OR9Q1: variants seen among roughly 807,000 people sequenced by gnomAD.
OR9Q1 encodes the protein olfactory receptor 9Q1.
For missense variants in OR9Q1, 374 were observed against 378.8 expected, an observed-to-expected ratio of 0.99 and a Z score of 0.11; for synonymous variants, 153 against 148.6, an observed-to-expected ratio of 1.03 and a Z score of -0.22.
At chr11:58,163,232 A>G (rs759695017) in intron 2 of OR9Q1, among the ~76,000 whole-genome samples, 1 of 152,218 alleles carries the variant, frequency 6.6e-6, no homozygotes, top group African/African-American at 2.4e-5. Context: ...ATGATTGATT[A>G]CATATATGGC....
intron 2 of OR9Q1, among the ~76,000 whole-genome samples, chr11:58,115,817 A>G (rs2120119444): frequency 6.6e-6 from 1 of 152,308 alleles, no homozygotes; most frequent in South Asian, 2.1e-4. Flanking sequence ...CTTTAAAAAC[A>G]AATACTCAGG....
rs1057160382 is a variant in OR9Q1 at position 58,176,009 on chromosome 11, GA to G, written c.-14-3413del. 4.0e-5 allele frequency among the ~76,000 whole-genome samples: 6 copies of G among 149,740 alleles called. No homozygotes were observed. In the East Asian group the frequency reaches 9.7e-4, roughly 24 times the overall value. On this transcript the variant is annotated intron_variant, in intron 2 of 2. Transcript: ENST00000335397. ...CTCCATGTGTTCATTTGCATTTAAA[GA>G]AAAAAAAAGGGAAAGATTTTAATGA...
chr11:58,058,278 T>C (rs866488665), intron 2 of OR9Q1, among the ~76,000 whole-genome samples: 17 of 152,252 alleles, frequency 1.1e-4, no homozygotes, highest in Non-Finnish European at 2.4e-4. Flanking sequence ...ATCAGGAAGT[T>C]TGAAGGCAGA....
At chr11:58,106,093 C>A (rs973712144) in intron 2 of OR9Q1, among the ~76,000 whole-genome samples, 4 of 151,848 alleles carry the variant, frequency 2.6e-5, no homozygotes, top group East Asian at 1.9e-4. Flanking sequence ...ACATGTTCCA[C>A]CCCCTTGGAC....
chr11:58,136,515 A>G (rs1037047357), intron 2 of OR9Q1, among the ~76,000 whole-genome samples: 2 of 152,070 alleles, frequency 1.3e-5, no homozygotes, highest in Non-Finnish European at 2.9e-5. Flanking sequence ...CTGCCTGGAG[A>G]TTTTGAGGAG....
In OR9Q1 at chr11:58,074,694, G is replaced by C. The variant is rs534220190; in HGVS notation, c.-15+18747G>C. On this transcript the variant is annotated intron_variant, in intron 2 of 2. Coordinates refer to ENST00000335397, the MANE Select transcript of OR9Q1 (RefSeq NM_001005212.4). ...AAGTCTTTGCCCATGCCTATGTCCT[G>C]AGTGGTATTGCCTAGGTTTTCTTCT... 1.1e-4 allele frequency among the ~76,000 whole-genome samples: 17 copies of C among 152,240 alleles called. 1 individual carries two copies. The highest frequency in any genetic ancestry group is 2.9e-4 in the African/African-American group (12 of 41,546).
In OR9Q1 at chr11:58,107,990, G is replaced by A. The variant is rs148393209; in HGVS notation, c.-15+52043G>A. Among the ~76,000 whole-genome samples the A allele has an allele frequency of 1.8e-4, 27 of 152,230 alleles. No homozygotes were observed. The East Asian group carries it at 3.7e-3, about 21-fold the overall frequency. ...TTGCAGACCCTGGGAACAAGCCTGA[G>A]AGCAGTAATTGTCATGAGGCAGGCA... On this transcript the variant is annotated intron_variant, in intron 2 of 2. Transcript: ENST00000335397.
intron 2 of OR9Q1, among the ~76,000 whole-genome samples, chr11:58,104,740 T>G (rs143153274): frequency 1.6e-3 from 247 of 152,224 alleles, no homozygotes; most frequent in African/African-American, 5.5e-3. Context: ...GCAGTAAATG[T>G]TCATGTGTGA....
chr11:58,151,158 T>C lies in OR9Q1; in HGVS notation c.-14-28273T>C, dbSNP rs569384569. On this transcript the variant is annotated intron_variant, in intron 2 of 2. Transcript: ENST00000335397. ...GGGTTATCCAGTTTCCCTAGCATCG[T>C]TTGTTGAAAAGGCACTCAACTAACT... Among the ~76,000 whole-genome samples, 35 of 152,304 alleles carry C rather than the reference T, an allele frequency of 2.3e-4. No homozygotes were observed. In the South Asian group the frequency reaches 2.5e-3, roughly 11 times the overall value.
chr11:58,167,693 G>T (rs1854518280), intron 2 of OR9Q1, among the ~76,000 whole-genome samples: 1 of 152,102 alleles, frequency 6.6e-6, no homozygotes, highest in Non-Finnish European at 1.5e-5. Flanking sequence ...CGTATTTGGG[G>T]GTTGCCTGGC....
chr11:58,053,103 A>G (rs2119970955), intron 1 of OR9Q1, among the ~76,000 whole-genome samples: 1 of 152,038 alleles, frequency 6.6e-6, no homozygotes, highest in African/African-American at 2.4e-5. Context: ...TACTGGGTAT[A>G]TACCCAAAGG....
intron 2 of OR9Q1, among the ~76,000 whole-genome samples, chr11:58,076,654 A>T (rs1052644458): frequency 6.6e-6 from 1 of 152,076 alleles, no homozygotes; most frequent in African/African-American, 2.4e-5. Context: ...TTTAATTATT[A>T]TTATTTCTTT....
chr11:58,088,912 T>A (rs1853658548), intron 2 of OR9Q1, among the ~76,000 whole-genome samples: 1 of 151,782 alleles, frequency 6.6e-6, no homozygotes, highest in African/African-American at 2.4e-5. Context: ...GTTTCGCTCT[T>A]GTTGCTCAGG....
At chr11:58,113,535 G>A (rs1853922417) in intron 2 of OR9Q1, among the ~76,000 whole-genome samples, 1 of 152,158 alleles carries the variant, frequency 6.6e-6, no homozygotes, top group Non-Finnish European at 1.5e-5. Flanking sequence ...CTTCTCAAAA[G>A]GTTCTTGTTG....
chr11:58,134,958 G>A (rs904141681), intron 2 of OR9Q1, among the ~76,000 whole-genome samples: 14 of 152,134 alleles, frequency 9.2e-5, no homozygotes, highest in African/African-American at 3.4e-4. Context: ...GTAATTTTTT[G>A]GGAGAGGGAA....
At chr11:58,168,045 G>T (rs528435535) in intron 2 of OR9Q1, among the ~76,000 whole-genome samples, 1 of 152,160 alleles carries the variant, frequency 6.6e-6, no homozygotes, top group East Asian at 1.9e-4. Flanking sequence ...AAATAACATT[G>T]GCAAAAATCT....
At chr11:58,113,689 C>A (rs1590597471) in intron 2 of OR9Q1, among the ~76,000 whole-genome samples, 1 of 152,174 alleles carries the variant, frequency 6.6e-6, no homozygotes, top group African/African-American at 2.4e-5. Flanking sequence ...TTGTCCCCTG[C>A]ACTTGACATA....
At chr11:58,039,277 C>T (rs1286863729) in intron 1 of OR9Q1, among the ~76,000 whole-genome samples, 1 of 152,246 alleles carries the variant, frequency 6.6e-6, no homozygotes, top group African/African-American at 2.4e-5. Flanking sequence ...GCGTGAGCCA[C>T]TGCGCCCGGC....
intron 1 of OR9Q1, among the ~76,000 whole-genome samples, chr11:58,048,404 C>T (rs891459610): frequency 6.6e-6 from 1 of 151,448 alleles, no homozygotes; most frequent in Non-Finnish European, 1.5e-5. Context: ...CATGGTGGCT[C>T]ACGCCTGTAA....
Sources: gnomAD v4.1 joint callset for allele counts (sites outside exome capture counted in the v4.1 genomes callset) on GRCh38, gnomAD v4.1.1 for gene constraint, MANE v1.5 for transcripts, NCBI Gene and HGNC (gene_info 2026-07-23, HGNC 2026-07-21) for gene names.